FMNL3: variants seen among roughly 807,000 people sequenced by gnomAD.
The protein encoded by FMNL3 is formin like 3, also known as formin-like protein 3.
In FMNL3, 57 loss-of-function variants were observed where a neutral mutation model predicts 119.6. The ratio of observed to expected loss-of-function variants is 0.48; its 90% CI spans 0.39 to 0.59. FMNL3 has a LOEUF of 0.59. Ranked by LOEUF, FMNL3 falls within the 20% of genes least tolerant of loss-of-function variation. FMNL3 has a pLI of 0.00. For missense variants in FMNL3, 1,053 were observed against 1,323.5 expected (o/e 0.80, Z 3.17); for synonymous variants, 491 against 507.3 (o/e 0.97, Z 0.43).
In FMNL3 at chr12:49,704,710, C is replaced by CAAAAAAAAAAA. The variant is rs59799899; in HGVS notation, c.126+2334_126+2344dup. On this transcript the variant is annotated intron_variant, in intron 1 of 25. Transcript: ENST00000335154. ...TGGATGACAGAGCCAAACTCCATCTCAAAAAAAAAAAAAAAAAAAAAAAAA... is the reference window on the plus strand; with the variant it reads ...TGGATGACAGAGCCAAACTCCATCTCAAAAAAAAAAAAAAAAAAAAAAAAAAAAAAAAAAAA... 3.2e-3 allele frequency among the ~76,000 whole-genome samples: 120 copies of CAAAAAAAAAAA among 37,828 alleles called. 2 individuals are homozygous for CAAAAAAAAAAA. The highest frequency in any genetic ancestry group is 4.4e-3 in the African/African-American group (81 of 18,250). The allele number at this position is 37,828 out of a possible 152,430, so 24.8% of individuals were successfully genotyped here. A position where few individuals can be genotyped will look rare whatever the true frequency, so the allele number is the denominator to read the frequency against.
intron 1 of FMNL3, among the ~76,000 whole-genome samples, chr12:49,690,839 G>A (rs1005151234): frequency 6.6e-6 from 1 of 152,264 alleles, no homozygotes; most frequent in Non-Finnish European, 1.5e-5. Context: ...CAAGGCAGGA[G>A]TGCGAGACCA....
At chr12:49,661,416 G>A (rs918036981) in intron 5 of FMNL3, among the ~76,000 whole-genome samples, 2 of 152,124 alleles carry the variant, frequency 1.3e-5, no homozygotes, top group African/African-American at 4.8e-5. Flanking sequence ...ACTATACCAG[G>A]CCGCCTTTTC....
intron 1 of FMNL3, among the ~76,000 whole-genome samples, chr12:49,686,073 A>C (rs1484758250): frequency 1.3e-5 from 2 of 152,038 alleles, no homozygotes; most frequent in Non-Finnish European, 2.9e-5. Flanking sequence ...TCTCAAAAAT[A>C]AATAAATAAA....
At chr12:49,677,945 C>T (rs1446549795) in intron 1 of FMNL3, among the ~76,000 whole-genome samples, 1 of 152,192 alleles carries the variant, frequency 6.6e-6, no homozygotes, top group East Asian at 1.9e-4. Context: ...TCTCCGCAAG[C>T]TCTGCGTCCC....
rs1565871651 is a variant in FMNL3, at chr12:49,654,792, A to G, written c.960+118T>C. Reference sequence around the variant, plus strand: ...GGTGGACAAGAAGCATTTGCTGAATAGAATCATTCTGGGCTCTACGTGGAA... The same window carrying G: ...GGTGGACAAGAAGCATTTGCTGAATGGAATCATTCTGGGCTCTACGTGGAA... On this transcript the variant is annotated intron_variant, in intron 10 of 25. Coordinates refer to ENST00000335154, the MANE Select transcript of FMNL3 (RefSeq NM_175736.5). 4 of 964,992 alleles carry G rather than the reference A, an allele frequency of 4.1e-6. No individual in the cohort carries two copies. In the Admixed American group the frequency reaches 9.4e-5, roughly 23 times the overall value. 59.8% of individuals were successfully genotyped at this position (964,992 alleles called of 1,614,324 possible).
At position 49,642,133 on chromosome 12, in the gene FMNL3, TAGA is replaced by T. The variant is rs371294155; in HGVS notation, c.*3679_*3681del. On this transcript the variant is annotated 3_prime_UTR_variant, in exon 26 of 26. Coordinates refer to ENST00000335154, the MANE Select transcript of FMNL3 (RefSeq NM_175736.5). The surrounding 1 kb of genome is among the most constrained non-coding windows in gnomAD (Gnocchi z 5.8). ...ATATTCCCAATTCAGGGGATGGTGG[TAGA>T]AGCCCAGACCCTAACTTTCCACCTC... is the stretch of plus-strand genomic sequence containing the variant. 3,315 of 1,604,860 alleles carry T rather than the reference TAGA, an allele frequency of 2.1e-3. 33 individuals carry two copies. The highest frequency in any genetic ancestry group is 0.012 in the South Asian group (1,083 of 90,310).
intron 11 of FMNL3, 147 bp from the exon 12 acceptor site, chr12:49,654,021 G>T: frequency 7.8e-7 from 1 of 1,282,494 alleles, no homozygotes; most frequent in Non-Finnish European, 1.1e-6. Flanking sequence ...TCGCCCCCAT[G>T]GAGCTGCCTG....
Position 49,707,382 on chromosome 12 carries a change from C to T in FMNL3, c.-202G>A, listed in dbSNP as rs1945080156. 9.6e-6 allele frequency: 4 copies of T among 414,978 alleles called. No homozygotes were observed. The highest frequency in any genetic ancestry group is 1.3e-5 in the Non-Finnish European group (3 of 239,982). The allele number at this position is 414,978 out of a possible 1,614,324, so 25.7% of individuals were successfully genotyped here. ...GCGGAGGCAGCGTAGCGGACAGCCG[C>T]ACCGAAGCAAGGCGGACGGAGGCGG... On this transcript the variant is annotated 5_prime_UTR_variant, in exon 1 of 26. Coordinates refer to ENST00000335154, the MANE Select transcript of FMNL3 (RefSeq NM_175736.5).
At position 49,653,784 on chromosome 12, in the gene FMNL3, C is replaced by T. The variant is rs765987239; in HGVS notation, c.1162G>A (p.Ala388Thr). ...VFDVGGLLED[A>T]ETKNVALEKV... is the part of the protein sequence containing the mutation. Reference sequence around the variant, plus strand: ...TCCAGGGCTACATTCTTGGTCTCAGCATCCTCCAACAAACCCCCGACATCA... The same window carrying T: ...TCCAGGGCTACATTCTTGGTCTCAGTATCCTCCAACAAACCCCCGACATCA... The change falls in exon 12 of 26, where the codon GCT (alanine) becomes ACT (threonine). Residue 388 changes from alanine (A) to threonine (T), a missense_variant. Ala to Thr is a moderately conservative substitution (Grantham distance 58, BLOSUM62 0). Coordinates refer to ENST00000335154, the MANE Select transcript of FMNL3 (RefSeq NM_175736.5). The T allele has an allele frequency of 6.2e-7, 1 of 1,614,232 alleles. No individual in the cohort carries two copies. The highest frequency in any genetic ancestry group is 1.7e-5 in the Admixed American group (1 of 60,024).
intron 1 of FMNL3, among the ~76,000 whole-genome samples, chr12:49,683,989 T>C (rs1421681830): frequency 6.6e-6 from 1 of 152,186 alleles, no homozygotes; most frequent in African/African-American, 2.4e-5. Flanking sequence ...CTGGGCAATA[T>C]TCCCCAAGCC....
At chr12:49,702,524 T>A (rs1357624761) in intron 1 of FMNL3, among the ~76,000 whole-genome samples, 1 of 152,182 alleles carries the variant, frequency 6.6e-6, no homozygotes, top group Non-Finnish European at 1.5e-5. Flanking sequence ...CTTTAGAGAA[T>A]AAGTATTACT....
Position 49,636,976 on chromosome 12 carries a change from T to C in FMNL3, c.*8839A>G, listed in dbSNP as rs1941904912. On this transcript the variant is annotated 3_prime_UTR_variant, in exon 26 of 26. Transcript: ENST00000335154. ...TGTGCCTAGCCCTGTCCAAGCTCTATGAGACCTCTCTCTGCCTGCAGTCTG... is the reference window on the plus strand; with the variant it reads ...TGTGCCTAGCCCTGTCCAAGCTCTACGAGACCTCTCTCTGCCTGCAGTCTG... 1 of 1,376,586 alleles carries C rather than the reference T, an allele frequency of 7.3e-7. No homozygotes were observed. Among genetic ancestry groups the C allele is most frequent in the African/African-American group, 1.4e-5 (1 of 70,208 alleles). The allele number at this position is 1,376,586 out of a possible 1,614,324, so 85.3% of individuals were successfully genotyped here. A position where few individuals can be genotyped will look rare whatever the true frequency, so the allele number is the denominator to read the frequency against.
intron 3 of FMNL3, 62 bp downstream of exon 3, chr12:49,666,065 C>A (rs1446606761): frequency 1.3e-6 from 2 of 1,555,762 alleles, no homozygotes; most frequent in Admixed American, 3.4e-5. Flanking sequence ...AAAGGGTTTG[C>A]CCCCAAACCC....
intron 25 of FMNL3, among the ~76,000 whole-genome samples, chr12:49,646,332 T>C (rs1943184454): frequency 6.6e-6 from 1 of 151,846 alleles, no homozygotes. Flanking sequence ...GCCTCAAAGA[T>C]CAGAACTGTA....
chr12:49,658,331 T>C lies in FMNL3; in HGVS notation c.605+111A>G, dbSNP rs1943633813. The C allele has an allele frequency of 5.6e-6, 8 of 1,424,892 alleles. No individual in the cohort carries two copies. In the South Asian group the frequency reaches 7.3e-5, roughly 13 times the overall value. The allele number at this position is 1,424,892 out of a possible 1,614,324, so 88.3% of individuals were successfully genotyped here. On this transcript the variant is annotated intron_variant, in intron 6 of 25. Coordinates refer to ENST00000335154, the MANE Select transcript of FMNL3 (RefSeq NM_175736.5). ...ACTGGCAGGCAGAGGGCAAGAGAGC[T>C]GAGCCTGGAAGCAAGAGTGGAGGGA... is the stretch of plus-strand genomic sequence containing the variant.
chr12:49,675,200 A>C (rs914498194), intron 1 of FMNL3, among the ~76,000 whole-genome samples: 3 of 152,172 alleles, frequency 2.0e-5, no homozygotes, highest in Non-Finnish European at 2.9e-5. Flanking sequence ...CAGTCAAAAA[A>C]TATACAATCT....
chr12:49,666,326 TCA>T (rs2138852748), intron 2 of FMNL3, 119 bp from the exon 3 acceptor site: 2 of 829,764 alleles, frequency 2.4e-6, no homozygotes, highest in East Asian at 5.1e-5. Flanking sequence ...CTCCAAGTTG[TCA>T]CCTGGCTCTA....
rs536462397 is a variant in FMNL3 at position 49,665,746 on chromosome 12, C to T, written c.368+86G>A. The T allele has an allele frequency of 1.1e-5, 15 of 1,375,692 alleles. No homozygotes were observed. In the African/African-American group the frequency reaches 1.6e-4, roughly 14 times the overall value. The allele number at this position is 1,375,692 out of a possible 1,614,324, so 85.2% of individuals were successfully genotyped here. ...CCATGGCAGGGAAGATGAACAGGAA[C>T]ACCATCCTCAGAGGACACCAGACCC... On this transcript the variant is annotated intron_variant, in intron 4 of 25. Coordinates refer to ENST00000335154, the MANE Select transcript of FMNL3 (RefSeq NM_175736.5).
chr12:49,654,857 AAC>A (rs1943522480), intron 10 of FMNL3, 51 bp downstream of exon 10: 47 of 1,553,634 alleles, frequency 3.0e-5, no homozygotes, highest in Admixed American at 5.3e-5. Context: ...GTTGTCAAGG[AAC>A]ACACACACAG....
Sources: allele counts gnomAD v4.1 joint callset (sites outside exome capture counted in the v4.1 genomes callset), GRCh38; gene constraint gnomAD v4.1.1; non-coding constraint Gnocchi (gnomAD v3.1); transcripts MANE v1.5; gene names NCBI Gene and HGNC (gene_info 2026-07-23, HGNC 2026-07-21).